Variants in ABCA1 observed in about 807,000 individuals in gnomAD.
The protein encoded by ABCA1 is ATP binding cassette subfamily A member 1.
In ABCA1, 133 loss-of-function variants were observed where a neutral mutation model predicts 262.5. The observed-to-expected ratio is 0.51, with a 90% CI of 0.44 to 0.59. The LOEUF (loss-of-function observed/expected upper bound fraction) is 0.59, where lower values mean the gene tolerates loss of function less well. ABCA1 is among the 20% of genes least tolerant of loss of function. The pLI, the probability that ABCA1 is intolerant of heterozygous loss-of-function variation, is 0.00. For synonymous variants in ABCA1, 1,022 were observed against 1,043.5 expected (o/e 0.98, Z 0.40); for missense variants, 2,452 against 2,777.5 (o/e 0.88, Z 2.63).
At position 104,817,128 on chromosome 9, in the gene ABCA1, C is replaced by T. The variant is rs1463722766; in HGVS notation, c.3535+204G>A. ...TCTCTGGGACACTGCCCTGCTAGCT[C>T]CCAAACCGAGCCCCAGGCACCCCAG... On this transcript the variant is annotated intron_variant, in intron 24 of 49. Transcript: ENST00000374736. This position sits in a 1 kb window ranked among gnomAD's most constrained non-coding sequence, Gnocchi z 4.7. 4.7e-6 allele frequency: 4 copies of T among 851,004 alleles called. No individual in the cohort carries two copies. The highest frequency in any genetic ancestry group is 5.7e-6 in the Non-Finnish European group (4 of 707,672). The allele number at this position is 851,004 out of a possible 1,614,324, so 52.7% of individuals were successfully genotyped here.
chr9:104,807,843 TATACACAC>T (rs1194637075), intron 30 of ABCA1, among the ~76,000 whole-genome samples: 13 of 36,624 alleles, frequency 3.5e-4, no homozygotes, highest in African/African-American at 8.3e-4. Context: ...AATATATATA[TATACACAC>T]ACACACACAC....
chr9:104,845,537 G>A lies in ABCA1; in HGVS notation c.753C>T (p.Ser251=). ...RTLNSTSPFP[S]KELAEATKTL... is the part of the protein sequence containing the mutation. The stretch of plus-strand genomic sequence containing the variant: ...TTTTTGTGGCTTCAGCCAGCTCCTT[G>A]CTCGGGAAGGGAGATGTAGAGTTTA... The change falls in exon 8 of 50, where the codon AGC becomes AGT. Residue 251 remains serine (S), a synonymous_variant. Transcript: ENST00000374736. 3 of 1,613,906 alleles carry A rather than the reference G, an allele frequency of 1.9e-6. No individual in the cohort carries two copies. The highest frequency in any genetic ancestry group is 2.5e-6 in the Non-Finnish European group (3 of 1,179,816).
In ABCA1 at chr9:104,879,201, A is replaced by G. The variant is rs375436140; in HGVS notation, c.421+3838T>C. 3.2e-4 allele frequency among the ~76,000 whole-genome samples: 49 copies of G among 152,356 alleles called. No individual in the cohort carries two copies. In the East Asian group the frequency reaches 5.6e-3, roughly 17 times the overall value. ...TCAGCCAGTCTATTTCAACTGCTGC[A>G]TAAATTGCAAGGCAGAAGAACAAGG... On this transcript the variant is annotated intron_variant, in intron 5 of 49. Transcript: ENST00000374736.
chr9:104,784,425 C>A lies in ABCA1; in HGVS notation c.6676G>T (p.Asp2226Tyr), dbSNP rs1416460535. The A allele has an allele frequency of 1.2e-6, 2 of 1,613,942 alleles. No individual in the cohort carries two copies. Among genetic ancestry groups the A allele is most frequent in the African/African-American group, 1.3e-5 (1 of 74,908 alleles). The change falls in exon 50 of 50, where the codon GAT (aspartate) becomes TAT (tyrosine). Residue 2226 changes from aspartate (D) to tyrosine (Y), a missense_variant. Asp to Tyr is a radical substitution (Grantham distance 160). Transcript: ENST00000374736. The part of the protein sequence containing the change: ...VFVNFAKDQS[D>Y]DDHLKDLSLH... ...GAGAGGTCTTTTAAGTGGTCATCAT[C>A]ACTTTGGTCCTTGGCAAAGTTCACA...
At chr9:104,848,552 T>C (rs1588395690) in intron 7 of ABCA1, among the ~76,000 whole-genome samples, 1 of 151,458 alleles carries the variant, frequency 6.6e-6, no homozygotes, top group South Asian at 2.1e-4. Context: ...GAGGCAGAGG[T>C]TGCAGTGAGC....
At chr9:104,825,232 A>G (rs1832717158) in intron 17 of ABCA1, among the ~76,000 whole-genome samples, 1 of 152,218 alleles carries the variant, frequency 6.6e-6, no homozygotes, top group Admixed American at 6.5e-5. Context: ...CTCTGAGGAC[A>G]CAGAAATACA....
At chr9:104,806,106 G>GA (rs371094891) in intron 31 of ABCA1, 135 bp downstream of exon 31, 5,050 of 908,758 alleles carry the variant, frequency 5.6e-3, no homozygotes, top group Non-Finnish European at 6.4e-3. Context: ...CTCCGCCTCA[G>GA]AAAAAAAAAC....
chr9:104,912,996 T>C (rs1430365273), intron 1 of ABCA1, among the ~76,000 whole-genome samples: 2 of 152,204 alleles, frequency 1.3e-5, no homozygotes, highest in South Asian at 2.1e-4. Context: ...CCTGCTGTTA[T>C]AGGACGGTTT....
At chr9:104,888,848 A>G (rs2118326358) in intron 3 of ABCA1, among the ~76,000 whole-genome samples, 1 of 152,326 alleles carries the variant, frequency 6.6e-6, no homozygotes, top group African/African-American at 2.4e-5. Context: ...AGGTTATTCT[A>G]TTTTCATGAT....
Position 104,884,419 on chromosome 9 carries a change from A to C in ABCA1, c.302+8T>G. On this transcript the variant is annotated splice_region_variant and intron_variant, in intron 4 of 49. Transcript: ENST00000374736. ...AAGTTTGGAAAGAAAACCTGATCTGATACTTACATGGATTTGTTAAAGTTT... is the reference window on the plus strand; with the variant it reads ...AAGTTTGGAAAGAAAACCTGATCTGCTACTTACATGGATTTGTTAAAGTTT... 2 of 1,614,184 alleles carry C rather than the reference A, an allele frequency of 1.2e-6. No individual in the cohort carries two copies. The highest frequency in any genetic ancestry group is 8.5e-7 in the Non-Finnish European group (1 of 1,180,028).
chr9:104,837,656 T>C lies in ABCA1; in HGVS notation c.1055-89A>G, dbSNP rs41391445. 9,683 of 1,506,600 alleles carry C rather than the reference T, an allele frequency of 6.4e-3. 552 individuals are homozygous for C. The African/African-American group carries it at 0.12, about 18-fold the overall frequency. The allele number at this position is 1,506,600 out of a possible 1,614,324, so 93.3% of individuals were successfully genotyped here. On this transcript the variant is annotated intron_variant, in intron 9 of 49. Transcript: ENST00000374736. ...GGCTTTGGAGCCAGAGAGTTCTTAG[T>C]TGAAACCCCAGCTCTACCACTACTA...
rs1389598756 is a variant in ABCA1 at position 104,831,062 on chromosome 9, G to A, written c.1755C>T (p.Asp585=). 1.9e-6 allele frequency: 3 copies of A among 1,609,066 alleles called. No homozygotes were observed. Among genetic ancestry groups the A allele is most frequent in the Non-Finnish European group, 1.7e-6 (2 of 1,178,526 alleles). ...DPGPRADPFE[D]MRYVWGGFAY... The stretch of plus-strand genomic sequence containing the variant: ...CGAAGCCCCCCCAGACGTACCGCAT[G>A]TCCTCAAAGGGGTCAGCTCGAGGAC... Residue 585 remains aspartate, a synonymous_variant, in exon 14 of 50, where the codon GAC becomes GAT. Transcript: ENST00000374736.
chr9:104,834,574 C>T (rs1192340855), intron 11 of ABCA1, among the ~76,000 whole-genome samples: 1 of 148,852 alleles, frequency 6.7e-6, no homozygotes, highest in Non-Finnish European at 1.5e-5. Context: ...AACAACATGG[C>T]CAAAAAGAAT....
intron 14 of ABCA1, 144 bp downstream of exon 14, chr9:104,830,781 T>C (rs1177707506): frequency 6.8e-6 from 6 of 879,962 alleles, no homozygotes; most frequent in Non-Finnish European, 1.2e-5. Flanking sequence ...TCTATGTCTG[T>C]CATGTGGCTG....
intron 1 of ABCA1, among the ~76,000 whole-genome samples, chr9:104,915,176 G>T (rs1275006359): frequency 6.6e-6 from 1 of 152,156 alleles, no homozygotes; most frequent in Non-Finnish European, 1.5e-5. Context: ...CCAGGCTCTT[G>T]TCCAGTTCTA....
intron 25 of ABCA1, among the ~76,000 whole-genome samples, chr9:104,815,212 G>C (rs1330086067): frequency 6.6e-6 from 1 of 152,182 alleles, no homozygotes; most frequent in African/African-American, 2.4e-5. Flanking sequence ...CATCAGAAGA[G>C]AATCTGAATG....
At chr9:104,881,664 T>C (rs1265887941) in intron 5 of ABCA1, among the ~76,000 whole-genome samples, 1 of 152,190 alleles carries the variant, frequency 6.6e-6, no homozygotes, top group Non-Finnish European at 1.5e-5. Context: ...CGCTGTCTCT[T>C]GCTACAGAGG....
In ABCA1 at chr9:104,874,855, G is replaced by A. The variant is rs1328138413; in HGVS notation, c.421+8184C>T. ...CAGCCCCCGCCCGGCCAGCCACCCC[G>A]TCCGGGAGGGAGGTGGGGGGCAGCC... is the stretch of plus-strand genomic sequence containing the variant. On this transcript the variant is annotated intron_variant, in intron 5 of 49. Coordinates refer to ENST00000374736, the MANE Select transcript of ABCA1 (RefSeq NM_005502.4). 1.8e-4 allele frequency among the ~76,000 whole-genome samples: 26 copies of A among 140,628 alleles called. No homozygotes were observed. The South Asian group carries it at 4.2e-3, about 23-fold the overall frequency. The allele number at this position is 140,628 out of a possible 152,430, so 92.3% of individuals were successfully genotyped here. A position where few individuals can be genotyped will look rare whatever the true frequency, so the allele number is the denominator to read the frequency against.
intron 2 of ABCA1, among the ~76,000 whole-genome samples, chr9:104,889,926 T>C (rs1424837697): frequency 2.0e-5 from 3 of 152,146 alleles, no homozygotes; most frequent in African/African-American, 7.2e-5. Flanking sequence ...AAAAGATCAT[T>C]GAACTTCTAA....
Sources: gnomAD v4.1 joint callset for allele counts (sites outside exome capture counted in the v4.1 genomes callset) on GRCh38, gnomAD v4.1.1 for gene constraint, Gnocchi (gnomAD v3.1) non-coding constraint, MANE v1.5 for transcripts, NCBI Gene and HGNC (gene_info 2026-07-23, HGNC 2026-07-21) for gene names.